ARPP21: variants seen among roughly 807,000 people sequenced by gnomAD.
The protein encoded by ARPP21 is cAMP-regulated phosphoprotein 21.
ARPP21 carries 69 observed loss-of-function variants against 113.2 expected under a neutral mutation model. The observed-to-expected ratio is 0.61, with a 90% confidence interval of 0.50 to 0.74. The LOEUF is 0.74. ARPP21 is among the 30% of genes least tolerant of loss of function. The pLI, the probability that ARPP21 is intolerant of heterozygous loss-of-function variation, is 0.00. For missense variants in ARPP21, 1,070 were observed against 1,037.4 expected (o/e 1.03, Z -0.43); for synonymous variants, 368 against 375.5 (o/e 0.98, Z 0.23).
chr3:35,674,553 T>C (rs1034914674), intron 1 of ARPP21, among the ~76,000 whole-genome samples: 1 of 151,918 alleles, frequency 6.6e-6, no homozygotes, highest in Non-Finnish European at 1.5e-5. Context: ...AACCTGGGTA[T>C]ACTTTATCTG....
intron 19 of ARPP21, among the ~76,000 whole-genome samples, chr3:35,783,613 G>A (rs2096570635): frequency 1.3e-5 from 2 of 151,954 alleles, no homozygotes; most frequent in African/African-American, 4.8e-5. Context: ...TCTACTTCCA[G>A]TTATACAACC....
intron 5 of ARPP21, 74 bp downstream of exon 5, chr3:35,683,889 T>C: frequency 1.0e-6 from 1 of 975,494 alleles, no homozygotes. Flanking sequence ...TAATTTGGTG[T>C]TAAACAGTGT....
chr3:35,715,342 C>T, intron 11 of ARPP21, 97 bp from the exon 12 acceptor site: 3 of 939,962 alleles, frequency 3.2e-6, no homozygotes, highest in Non-Finnish European at 5.1e-6. Context: ...ATTCTTTTCC[C>T]CTATGAGGGG....
chr3:35,667,633 G>T (rs1012600964), intron 1 of ARPP21, among the ~76,000 whole-genome samples: 1 of 151,886 alleles, frequency 6.6e-6, no homozygotes, highest in African/African-American at 2.4e-5. Context: ...ATTTGAAAGA[G>T]GTGCTAGATT....
chr3:35,744,595 C>T, intron 19 of ARPP21: 1 of 499,934 alleles, frequency 2.0e-6, no homozygotes, highest in Non-Finnish European at 4.1e-6. Context: ...CAAAGAGCAG[C>T]ACGAACCCGA....
At position 35,773,459 on chromosome 3, in the gene ARPP21, G is replaced by T. The variant is rs558777994; in HGVS notation, c.2138-18923G>T. Among the ~76,000 whole-genome samples, 4 of 152,216 alleles carry T rather than the reference G, an allele frequency of 2.6e-5. No homozygotes were observed. The South Asian group carries it at 8.3e-4, about 32-fold the overall frequency. On this transcript the variant is annotated intron_variant, in intron 19 of 20. Coordinates refer to ENST00000684406, the MANE Select transcript of ARPP21 (RefSeq NM_001385562.1). ...TGCCTCTCATGACTTGACAATTTATGCCTACAAAATCAAACAATAATTGTA... is the reference window on the plus strand; with the variant it reads ...TGCCTCTCATGACTTGACAATTTATTCCTACAAAATCAAACAATAATTGTA...
intron 15 of ARPP21, among the ~76,000 whole-genome samples, chr3:35,734,978 T>C (rs1231438801): frequency 6.6e-6 from 1 of 152,232 alleles, no homozygotes; most frequent in East Asian, 1.9e-4. Context: ...ATTTCCTTTA[T>C]TTAGAATATT....
chr3:35,759,443 A>G (rs888786627), intron 19 of ARPP21, among the ~76,000 whole-genome samples: 16 of 152,186 alleles, frequency 1.1e-4, no homozygotes, highest in African/African-American at 2.9e-4. Context: ...CTTATCAGCT[A>G]TTGAAGAATG....
At chr3:35,665,322 G>A (rs1196613936) in intron 1 of ARPP21, among the ~76,000 whole-genome samples, 1 of 151,874 alleles carries the variant, frequency 6.6e-6, no homozygotes, top group Admixed American at 6.6e-5. Context: ...ATCATAAGCG[G>A]CCTAAGCTTT....
intron 14 of ARPP21, among the ~76,000 whole-genome samples, chr3:35,725,525 A>T (rs1296984623): frequency 2.0e-5 from 3 of 152,306 alleles, no homozygotes; most frequent in East Asian, 3.9e-4. Context: ...AAGAAAACAC[A>T]GCTAGTAAGT....
rs184285744 is a variant in ARPP21, at chr3:35,718,839, A to G, written c.995+1482A>G. On this transcript the variant is annotated intron_variant, in intron 13 of 20. Transcript: ENST00000684406. ...TTACTTACAAGAGGGCCCAGCTCCAATGACAGATATCTCATTACTATCATC... is the reference window on the plus strand; with the variant it reads ...TTACTTACAAGAGGGCCCAGCTCCAGTGACAGATATCTCATTACTATCATC... Among the ~76,000 whole-genome samples, 38 of 151,594 alleles carry G rather than the reference A, an allele frequency of 2.5e-4. 1 individual carries two copies. Among genetic ancestry groups the G allele is most frequent in the Admixed American group, 2.5e-3 (38 of 15,182 alleles).
intron 1 of ARPP21, among the ~76,000 whole-genome samples, chr3:35,676,639 G>A (rs1229028005): frequency 2.6e-5 from 4 of 151,790 alleles, no homozygotes; most frequent in Admixed American, 2.6e-4. Context: ...TTGAACGATT[G>A]CATTTTGGGT....
chr3:35,706,726 T>A (rs1428944330), intron 9 of ARPP21, among the ~76,000 whole-genome samples: 1 of 152,192 alleles, frequency 6.6e-6, no homozygotes, highest in Non-Finnish European at 1.5e-5. Context: ...GCCTTTAAAT[T>A]TGTTTTTCAA....
intron 19 of ARPP21, among the ~76,000 whole-genome samples, chr3:35,758,372 T>C (rs1193685959): frequency 6.6e-6 from 1 of 152,094 alleles, no homozygotes; most frequent in African/African-American, 2.4e-5. Flanking sequence ...ACTTTGGTTT[T>C]GCTGCTTCTC....
At chr3:35,672,522 T>C (rs1200866845) in intron 1 of ARPP21, among the ~76,000 whole-genome samples, 1 of 152,120 alleles carries the variant, frequency 6.6e-6, no homozygotes, top group African/African-American at 2.4e-5. Context: ...CAAAGTCACA[T>C]AGCCATTACT....
chr3:35,712,101 C>G (rs539513164), intron 11 of ARPP21, among the ~76,000 whole-genome samples: 1 of 152,120 alleles, frequency 6.6e-6, no homozygotes, highest in South Asian at 2.1e-4. Flanking sequence ...TCTAGTACTT[C>G]CAGATCCCCA....
intron 4 of ARPP21, 30 bp from the exon 5 acceptor site, chr3:35,683,695 CT>C: frequency 1.2e-6 from 1 of 845,286 alleles, no homozygotes; most frequent in Non-Finnish European, 2.0e-6. Context: ...CTTTATTTTC[CT>C]TTCCTTCCCT....
intron 11 of ARPP21, among the ~76,000 whole-genome samples, chr3:35,714,393 C>A (rs2092007591): frequency 6.6e-6 from 1 of 152,150 alleles, no homozygotes; most frequent in Admixed American, 6.5e-5. Flanking sequence ...TTAGCAGGAT[C>A]TTTTAAGTCA....
At chr3:35,760,243 G>A (rs2095717726) in intron 19 of ARPP21, among the ~76,000 whole-genome samples, 1 of 152,024 alleles carries the variant, frequency 6.6e-6, no homozygotes, top group Admixed American at 6.6e-5. Context: ...ACTCAGTAAT[G>A]CCAGCTCTCA....
Sources: gnomAD v4.1 joint callset for allele counts (sites outside exome capture counted in the v4.1 genomes callset) on GRCh38, gnomAD v4.1.1 for gene constraint, MANE v1.5 for transcripts, NCBI Gene and HGNC (gene_info 2026-07-23, HGNC 2026-07-21) for gene names.